The following LRMDA variants were observed in gnomAD, a reference collection of about 807,000 sequenced individuals.
LRMDA encodes the protein leucine rich melanocyte differentiation associated.
LRMDA carries 18 observed loss-of-function variants against 29.8 expected under a neutral mutation model. The ratio of observed to expected loss-of-function variants is 0.60; its 90% confidence interval spans 0.42 to 0.90. LRMDA has a LOEUF of 0.90. LRMDA is among the 40% of genes least tolerant of loss of function. The pLI is 0.00. For synonymous variants in LRMDA, 125 were observed against 109.4 expected, an observed-to-expected ratio of 1.14 and a Z score of -0.89; for missense variants, 273 against 273.9, an observed-to-expected ratio of 1.00 and a Z score of 0.02.
rs773799419 is a variant in LRMDA at position 75,497,621 on chromosome 10, C to A, written c.131+59127C>A. The stretch of plus-strand genomic sequence containing the variant: ...TTCCTAGCTAATTCCTGCTCCCTCC[C>A]CTCCATAGGCAATTGCTCTTTTTTT... On this transcript the variant is annotated intron_variant, in intron 2 of 6. Coordinates refer to ENST00000611255, the MANE Select transcript of LRMDA (RefSeq NM_001305581.2). Among the ~76,000 whole-genome samples the A allele has an allele frequency of 1.6e-4, 25 of 152,018 alleles. 1 individual carries two copies. In the South Asian group the frequency reaches 2.7e-3, roughly 16 times the overall value.
intron 2 of LRMDA, among the ~76,000 whole-genome samples, chr10:75,875,697 G>A (rs1169494089): frequency 6.6e-6 from 1 of 152,230 alleles, no homozygotes; most frequent in Non-Finnish European, 1.5e-5. Flanking sequence ...CTTCCAAAGT[G>A]CTGGGATTAC....
At chr10:75,632,782 GTTTTTTTTTT>G (rs386371855) in intron 2 of LRMDA, among the ~76,000 whole-genome samples, 10 of 43,248 alleles carry the variant, frequency 2.3e-4, no homozygotes, top group African/African-American at 5.9e-4. Flanking sequence ...GTTTAGTTTA[GTTTTTTTTTT>G]TTTTTTTTTT....
intron 6 of LRMDA, among the ~76,000 whole-genome samples, chr10:76,483,117 A>G (rs1026998603): frequency 2.6e-5 from 4 of 151,994 alleles, no homozygotes; most frequent in African/African-American, 9.7e-5. Context: ...TCTGCATCAG[A>G]TTATGAATTG....
At chr10:76,102,926 A>C (rs12243101) in intron 5 of LRMDA, among the ~76,000 whole-genome samples, 5,703 of 152,278 alleles carry the variant, frequency 0.037, 154 homozygotes, top group African/African-American at 0.072. Flanking sequence ...TGCTGGGATT[A>C]GATGTGAGCC....
chr10:76,085,314 T>C (rs1279993793), intron 5 of LRMDA, among the ~76,000 whole-genome samples: 2 of 152,116 alleles, frequency 1.3e-5, no homozygotes, highest in Admixed American at 6.5e-5. Context: ...GGGAGGAAGA[T>C]ATTTGGAAAG....
At chr10:75,479,641 A>G (rs1167182705) in intron 2 of LRMDA, among the ~76,000 whole-genome samples, 3 of 152,084 alleles carry the variant, frequency 2.0e-5, no homozygotes, top group Non-Finnish European at 4.4e-5. Flanking sequence ...GCATGTACTG[A>G]GTAGTCACTG....
intron 2 of LRMDA, among the ~76,000 whole-genome samples, chr10:75,465,861 A>G (rs1012283196): frequency 2.6e-5 from 4 of 152,338 alleles, no homozygotes; most frequent in Admixed American, 6.5e-5. Context: ...TTAGCGTCCA[A>G]TCTTGCTTAA....
chr10:75,924,352 A>G (rs1846081994), intron 2 of LRMDA, among the ~76,000 whole-genome samples: 1 of 152,250 alleles, frequency 6.6e-6, no homozygotes, highest in South Asian at 2.1e-4. Context: ...GGTAGCTTGA[A>G]TGTCTGATAT....
chr10:76,508,272 G>T (rs1842978120), intron 6 of LRMDA, among the ~76,000 whole-genome samples: 1 of 152,140 alleles, frequency 6.6e-6, no homozygotes. Context: ...TTGAGACTGT[G>T]TAAGTATCCT....
At chr10:76,375,052 G>A (rs1034589229) in intron 6 of LRMDA, among the ~76,000 whole-genome samples, 3 of 152,096 alleles carry the variant, frequency 2.0e-5, no homozygotes, top group Admixed American at 2.0e-4. Context: ...CATTCAGTGT[G>A]TAAATTTCTT....
intron 5 of LRMDA, among the ~76,000 whole-genome samples, chr10:76,259,154 A>G (rs563217462): frequency 1.2e-4 from 18 of 152,166 alleles, no homozygotes; most frequent in African/African-American, 4.3e-4. Context: ...GATAATGGCC[A>G]TTCTAAATGG....
intron 2 of LRMDA, among the ~76,000 whole-genome samples, chr10:75,475,375 G>A (rs1490694532): frequency 6.8e-6 from 1 of 147,976 alleles, no homozygotes; most frequent in African/African-American, 2.6e-5. Flanking sequence ...GGTGAGGAAG[G>A]AGTCGTGCAG....
intron 2 of LRMDA, among the ~76,000 whole-genome samples, chr10:75,476,543 C>G (rs1342251779): frequency 6.6e-6 from 1 of 152,188 alleles, no homozygotes; most frequent in Admixed American, 6.5e-5. Context: ...ACCTTGCCAA[C>G]AAAGCAGGAA....
rs537503181 is a variant in LRMDA, at chr10:75,695,598, C to G, written c.131+257104C>G. The stretch of plus-strand genomic sequence containing the variant: ...CCTTTAATAATCCCTGCTAACTGAC[C>G]TGAAAAGTCTTTAGCTATTCCCATT... On this transcript the variant is annotated intron_variant, in intron 2 of 6. Transcript: ENST00000611255. Among the ~76,000 whole-genome samples the G allele has an allele frequency of 2.3e-4, 35 of 152,198 alleles. 3 individuals are homozygous for G. In the South Asian group the frequency reaches 4.6e-3, roughly 20 times the overall value.
intron 5 of LRMDA, among the ~76,000 whole-genome samples, chr10:76,256,173 T>A (rs1186091719): frequency 1.3e-5 from 2 of 152,224 alleles, no homozygotes; most frequent in African/African-American, 4.8e-5. Flanking sequence ...ATTAGAAGGA[T>A]TTTACAGTAA....
intron 2 of LRMDA, among the ~76,000 whole-genome samples, chr10:75,802,178 T>C (rs1843759822): frequency 6.6e-6 from 1 of 152,224 alleles, no homozygotes; most frequent in South Asian, 2.1e-4. Context: ...ATTAGCCACA[T>C]ATGGTGGCGT....
At chr10:76,208,768 A>G (rs1259365111) in intron 5 of LRMDA, among the ~76,000 whole-genome samples, 1 of 151,832 alleles carries the variant, frequency 6.6e-6, no homozygotes, top group African/African-American at 2.4e-5. Flanking sequence ...CAGACCACCA[A>G]TCCCATATTT....
At chr10:76,014,763 C>A (rs563483768) in intron 2 of LRMDA, among the ~76,000 whole-genome samples, 1 of 152,166 alleles carries the variant, frequency 6.6e-6, no homozygotes, top group Non-Finnish European at 1.5e-5. Context: ...TAGAAGGAAG[C>A]CTGTATGGTA....
intron 5 of LRMDA, among the ~76,000 whole-genome samples, chr10:76,298,220 T>G (rs1840436542): frequency 6.6e-6 from 1 of 152,220 alleles, no homozygotes; most frequent in Admixed American, 6.5e-5. Context: ...CTATGCCTGC[T>G]GAGTAAAACA....
Sources: allele counts gnomAD v4.1 joint callset (sites outside exome capture counted in the v4.1 genomes callset), GRCh38; gene constraint gnomAD v4.1.1; transcripts MANE v1.5; gene names NCBI Gene and HGNC (gene_info 2026-07-23, HGNC 2026-07-21).